Variants in WWOX observed in about 807,000 individuals in gnomAD.
WWOX encodes WW domain containing oxidoreductase, also known as WW domain-containing oxidoreductase.
WWOX carries 69 observed loss-of-function variants against 46.2 expected under a neutral mutation model. That is an observed-to-expected ratio of 1.49 (90% CI 1.23 to 1.82). WWOX has a LOEUF of 1.82. WWOX is among the 40% of genes most tolerant of loss of function. The pLI is 0.00. For missense variants in WWOX, 919 were observed against 542.6 expected, an observed-to-expected ratio of 1.69 and a Z score of -6.89; for synonymous variants, 359 against 202.6, an observed-to-expected ratio of 1.77 and a Z score of -6.56.
At chr16:78,698,000 T>A (rs1219931730) in intron 8 of WWOX, among the ~76,000 whole-genome samples, 3 of 152,202 alleles carry the variant, frequency 2.0e-5, no homozygotes, top group Non-Finnish European at 4.4e-5. Context: ...CTATACTGTT[T>A]TAGTAGGTCA....
chr16:78,290,502 C>T (rs942862016), intron 5 of WWOX, among the ~76,000 whole-genome samples: 2 of 152,110 alleles, frequency 1.3e-5, no homozygotes, highest in African/African-American at 2.4e-5. Flanking sequence ...TCCTGTTGTT[C>T]GGTAAATCTG....
In WWOX at chr16:79,070,268, ATGTGTGTGTGTG is replaced by A. The variant is rs4035490; in HGVS notation, c.1057-141312_1057-141301del. On this transcript the variant is annotated intron_variant, in intron 8 of 8. Coordinates refer to ENST00000566780, the MANE Select transcript of WWOX (RefSeq NM_016373.4). The stretch of plus-strand genomic sequence containing the variant: ...GTTTGTTCTTAGGAATGTGTTTCTG[ATGTGTGTGTGTG>A]TGTGTGTGTGTGTGTGTGTGTGTGT... Among the ~76,000 whole-genome samples, 597 of 145,188 alleles carry A rather than the reference ATGTGTGTGTGTG, an allele frequency of 4.1e-3. 4 individuals carry two copies. The highest frequency in any genetic ancestry group is 0.023 in the South Asian group (99 of 4,378).
chr16:79,040,389 C>G (rs2047948089), intron 8 of WWOX, among the ~76,000 whole-genome samples: 4 of 151,858 alleles, frequency 2.6e-5, no homozygotes, highest in African/African-American at 9.7e-5. Context: ...ATCCTCCTGC[C>G]TCAGCCTCAT....
At chr16:78,682,907 C>T (rs188808410) in intron 8 of WWOX, among the ~76,000 whole-genome samples, 2 of 152,134 alleles carry the variant, frequency 1.3e-5, no homozygotes, top group Non-Finnish European at 2.9e-5. Flanking sequence ...CAAAAACATA[C>T]TTTCGTGACT....
intron 4 of WWOX, among the ~76,000 whole-genome samples, chr16:78,131,544 T>C (rs2033593102): frequency 6.6e-6 from 1 of 152,014 alleles, no homozygotes; most frequent in South Asian, 2.1e-4. Context: ...ATTATTTCTG[T>C]ATTTCTATTT....
intron 8 of WWOX, among the ~76,000 whole-genome samples, chr16:78,802,109 C>T (rs558669725): frequency 4.0e-5 from 6 of 151,270 alleles, no homozygotes; most frequent in East Asian, 1.9e-4. Context: ...TGTGCCTGTG[C>T]GTGAATCTCA....
chr16:78,143,751 TG>T (rs1298449564), intron 4 of WWOX, among the ~76,000 whole-genome samples: 145 of 122,780 alleles, frequency 1.2e-3, no homozygotes, highest in Middle Eastern at 8.2e-3. Context: ...AGAATTGGTA[TG>T]TTTTTTTTTT....
intron 5 of WWOX, among the ~76,000 whole-genome samples, chr16:78,297,849 G>A (rs2079967294): frequency 6.6e-6 from 1 of 152,132 alleles, no homozygotes; most frequent in African/African-American, 2.4e-5. Context: ...CAGGGAAGGT[G>A]CCATTTTTCC....
At position 78,164,259 on chromosome 16, in the gene WWOX, T is replaced by G; in HGVS notation, c.486T>G (p.Ser162Arg). ...ILACRNMARA[S>R]EAVSRILEEW... is the part of the protein sequence containing the mutation. ...CCTGCAGGAACATGGCAAGGGCGAGTGAAGCAGTGTCACGCATTTTAGAAG... is the reference window on the plus strand; with the variant it reads ...CCTGCAGGAACATGGCAAGGGCGAGGGAAGCAGTGTCACGCATTTTAGAAG... The change falls in exon 5 of 9, where the codon AGT (serine) becomes AGG (arginine). Residue 162 changes from serine (S) to arginine (R), a missense_variant. By Grantham distance (110) the Ser-to-Arg change is moderately radical (BLOSUM62 -1). Coordinates refer to ENST00000566780, the MANE Select transcript of WWOX (RefSeq NM_016373.4). 1 of 1,613,992 alleles carries G rather than the reference T, an allele frequency of 6.2e-7. No homozygotes were observed. Among genetic ancestry groups the G allele is most frequent in the Non-Finnish European group, 8.5e-7 (1 of 1,179,934 alleles).
At chr16:78,654,820 C>A (rs916496218) in intron 8 of WWOX, among the ~76,000 whole-genome samples, 2 of 151,654 alleles carry the variant, frequency 1.3e-5, no homozygotes, top group African/African-American at 4.8e-5. Flanking sequence ...TGGAAATAGA[C>A]CAGTGATTCT....
intron 8 of WWOX, among the ~76,000 whole-genome samples, chr16:78,976,211 A>G (rs182046791): frequency 3.2e-4 from 49 of 152,204 alleles, no homozygotes; most frequent in Non-Finnish European, 6.9e-4. Context: ...GAATGAATGA[A>G]TGAAAGTTTT....
intron 8 of WWOX, among the ~76,000 whole-genome samples, chr16:79,142,303 T>C (rs963288779): frequency 2.6e-5 from 4 of 152,084 alleles, no homozygotes; most frequent in African/African-American, 9.7e-5. Flanking sequence ...GGTAGTGAGA[T>C]GGGAAGTTAG....
intron 8 of WWOX, among the ~76,000 whole-genome samples, chr16:78,570,275 C>T (rs78702025): frequency 1.1e-3 from 161 of 152,180 alleles, no homozygotes; most frequent in African/African-American, 3.8e-3. Context: ...TATAAATGTC[C>T]AGTTTCACCA....
intron 8 of WWOX, among the ~76,000 whole-genome samples, chr16:78,492,105 A>G (rs143900128): frequency 6.6e-6 from 1 of 152,166 alleles, no homozygotes; most frequent in Non-Finnish European, 1.5e-5. Flanking sequence ...TTCCCAGCCA[A>G]CTGGTTTCAC....
At chr16:78,954,093 T>C (rs1230357052) in intron 8 of WWOX, among the ~76,000 whole-genome samples, 1 of 152,216 alleles carries the variant, frequency 6.6e-6, no homozygotes, top group East Asian at 1.9e-4. Flanking sequence ...AGTCATCTTT[T>C]CTTTCTTTTG....
At chr16:78,472,836 A>T (rs2941933) in intron 8 of WWOX, among the ~76,000 whole-genome samples, 24,332 of 135,438 alleles carry the variant, frequency 0.18, 4,629 homozygotes, top group African/African-American at 0.47. Context: ...AAAAAAAAAA[A>T]TTATGTCATT....
At chr16:78,327,242 C>T (rs148168505) in intron 5 of WWOX, among the ~76,000 whole-genome samples, 21 of 152,262 alleles carry the variant, frequency 1.4e-4, no homozygotes, top group East Asian at 7.7e-4. Flanking sequence ...TGTGTCATAT[C>T]GGGAAAGAAA....
intron 5 of WWOX, chr16:78,355,624 G>C (rs969682469): frequency 6.8e-6 from 4 of 587,400 alleles, no homozygotes; most frequent in South Asian, 1.5e-5. Context: ...GTGTGAAAAT[G>C]AGAAACGACC....
chr16:78,450,877 G>C (rs2083674962), intron 8 of WWOX, among the ~76,000 whole-genome samples: 1 of 152,150 alleles, frequency 6.6e-6, no homozygotes, highest in Non-Finnish European at 1.5e-5. Flanking sequence ...AAAGAATTAG[G>C]TTCTGAAATA....
Sources: gnomAD v4.1 joint callset for allele counts (sites outside exome capture counted in the v4.1 genomes callset) on GRCh38, gnomAD v4.1.1 for gene constraint, MANE v1.5 for transcripts, NCBI Gene and HGNC (gene_info 2026-07-23, HGNC 2026-07-21) for gene names.